Variants in MIOS observed in about 807,000 individuals in gnomAD.
The protein encoded by MIOS is meiosis regulator for oocyte development.
A neutral mutation model predicts 96.9 loss-of-function variants in MIOS; 52 were observed. The observed-to-expected ratio is 0.54, with a 90% CI of 0.43 to 0.68. The LOEUF (loss-of-function observed/expected upper bound fraction) is 0.68. MIOS is among the 30% of genes least tolerant of loss of function. The pLI is 0.00. For missense variants in MIOS, 1,005 were observed against 1,052.8 expected, an observed-to-expected ratio of 0.95 and a Z score of 0.63; for synonymous variants, 397 against 359.5, an observed-to-expected ratio of 1.10 and a Z score of -1.18.
At chr7:7,593,096 T>A (rs192504287) in intron 9 of MIOS, among the ~76,000 whole-genome samples, 9 of 152,348 alleles carry the variant, frequency 5.9e-5, no homozygotes, top group African/African-American at 1.9e-4. Context: ...AAATTCTTAC[T>A]TAGTTTATCC....
chr7:7,576,637 T>A (rs1783543136), intron 5 of MIOS, among the ~76,000 whole-genome samples: 3 of 152,144 alleles, frequency 2.0e-5, no homozygotes, highest in Admixed American at 6.6e-5. Flanking sequence ...CAAGAAAGAC[T>A]TAGAAATCAT....
At chr7:7,589,295 T>G in intron 8 of MIOS, 110 bp from the exon 9 acceptor site, 1 of 928,362 alleles carries the variant, frequency 1.1e-6, no homozygotes, top group Non-Finnish European at 1.6e-6. Flanking sequence ...GTAAAGTCTT[T>G]TGTTTTAAAA....
intron 5 of MIOS, among the ~76,000 whole-genome samples, chr7:7,574,825 C>G (rs1434278035): frequency 2.0e-5 from 3 of 150,894 alleles, no homozygotes; most frequent in African/African-American, 7.3e-5. Flanking sequence ...TGTTCCTATT[C>G]TTTTACTGGA....
chr7:7,601,729 A>G (rs185056666), intron 11 of MIOS, among the ~76,000 whole-genome samples: 25 of 152,368 alleles, frequency 1.6e-4, no homozygotes, highest in African/African-American at 5.8e-4. Flanking sequence ...TTATGAGGCC[A>G]GCATCATCCT....
At position 7,608,579 on chromosome 7, in the gene MIOS, G is replaced by A. The variant is rs1312394556; in HGVS notation, c.*1487G>A. ...TAATTGCAATTTTTTTTTAAAGATT[G>A]CTATTAAGGGTACTTTTTCCAGCCT... is the stretch of plus-strand genomic sequence containing the variant. On this transcript the variant is annotated 3_prime_UTR_variant, in exon 13 of 13. Transcript: ENST00000340080. 6.6e-6 allele frequency: 1 copy of A among 151,752 alleles called. No homozygotes were observed. The highest frequency in any genetic ancestry group is 6.6e-5 in the Admixed American group (1 of 15,212). 9.4% of individuals were successfully genotyped at this position (151,752 alleles called of 1,614,324 possible).
intron 5 of MIOS, among the ~76,000 whole-genome samples, chr7:7,578,745 C>G (rs1189756050): frequency 6.6e-6 from 1 of 151,718 alleles, no homozygotes; most frequent in African/African-American, 2.4e-5. Context: ...GTCTCTCTCT[C>G]TGTCACCCAG....
Position 7,573,341 on chromosome 7 carries a change from A to G in MIOS, c.866A>G (p.Asp289Gly). 1.2e-6 allele frequency: 2 copies of G among 1,614,110 alleles called. No individual in the cohort carries two copies. The highest frequency in any genetic ancestry group is 1.7e-5 in the Admixed American group (1 of 60,026). The change falls in exon 4 of 13, where the codon GAT becomes GGT. Residue 289 changes from aspartate to glycine, a missense_variant. Physicochemically the swap from Asp to Gly is moderately conservative, Grantham distance 94. Transcript: ENST00000340080. The surrounding 1 kb of genome is among the most constrained non-coding windows in gnomAD (Gnocchi z 5.0). The stretch of plus-strand genomic sequence containing the variant: ...GGTCTACTTGCCACTTTAACAAGGG[A>G]TAGTAATATTATTAGATTGTATGAT... The part of the protein sequence containing the change: ...RTGLLATLTR[D>G]SNIIRLYDMQ...
At chr7:7,606,626 A>G (rs1784538198) in intron 12 of MIOS, among the ~76,000 whole-genome samples, 1 of 152,218 alleles carries the variant, frequency 6.6e-6, no homozygotes, top group African/African-American at 2.4e-5. Flanking sequence ...TATAAATGAA[A>G]TATCTTGCCA....
In MIOS at chr7:7,573,987, G is replaced by A. The variant is rs974200854; in HGVS notation, c.1295-111G>A. 4.2e-6 allele frequency: 4 copies of A among 957,780 alleles called. No individual in the cohort carries two copies. The highest frequency in any genetic ancestry group is 5.7e-5 in the Admixed American group (2 of 34,874). 59.3% of individuals were successfully genotyped at this position (957,780 alleles called of 1,614,324 possible). On this transcript the variant is annotated intron_variant, in intron 4 of 12. Transcript: ENST00000340080. The surrounding 1 kb of genome is among the most constrained non-coding windows in gnomAD (Gnocchi z 5.0). Reference sequence around the variant, plus strand: ...AAAAGTGTATCTCTGCAATAGAGTCGAACCACCTTATTTACACTGATACTT... The same window carrying A: ...AAAAGTGTATCTCTGCAATAGAGTCAAACCACCTTATTTACACTGATACTT...
chr7:7,586,988 C>CTTTTTTTTT (rs71988879), intron 7 of MIOS, among the ~76,000 whole-genome samples: 2 of 123,052 alleles, frequency 1.6e-5, no homozygotes, highest in African/African-American at 3.0e-5. Flanking sequence ...TTTTCTTTCC[C>CTTTTTTTTT]TTTTTTTTTT....
At chr7:7,595,902 CAGA>C (rs1321270747) in intron 10 of MIOS, among the ~76,000 whole-genome samples, 2 of 152,098 alleles carry the variant, frequency 1.3e-5, no homozygotes, top group African/African-American at 4.8e-5. Flanking sequence ...AAATTTTGTT[CAGA>C]AGATTATATC....
chr7:7,607,091 A>C lies in MIOS; in HGVS notation c.2627A>C (p.Ter876SerextTer15), dbSNP rs773191887. The C allele has an allele frequency of 6.2e-7, 1 of 1,608,414 alleles. No individual in the cohort carries two copies. Among genetic ancestry groups the C allele is most frequent in the Non-Finnish European group, 8.5e-7 (1 of 1,177,500 alleles). ...GTACCTGCAGAGACTGTCCAGCCAT[A>C]AAATGTTACCACCTTAAGAGAACCC... ...NLVPAETVQP[*>S] The change falls in exon 13 of 13, where the codon TAA becomes TCA. Residue 876 changes from the stop codon to serine (S), a stop_lost. Transcript: ENST00000340080.
intron 3 of MIOS, among the ~76,000 whole-genome samples, chr7:7,570,739 T>C (rs942501685): frequency 2.0e-5 from 3 of 152,114 alleles, no homozygotes; most frequent in Non-Finnish European, 4.4e-5. Flanking sequence ...TTTGCACTCC[T>C]GTGAGAAACT....
intron 9 of MIOS, among the ~76,000 whole-genome samples, chr7:7,590,599 T>G (rs1198184888): frequency 6.6e-6 from 1 of 152,238 alleles, no homozygotes; most frequent in African/African-American, 2.4e-5. Context: ...TCTTGCTGTT[T>G]GTTTTCCGTT....
chr7:7,595,151 A>G lies in MIOS; in HGVS notation c.2196+19A>G, dbSNP rs376428380. The G allele has an allele frequency of 1.5e-4, 236 of 1,595,438 alleles. No homozygotes were observed. In the East Asian group the frequency reaches 4.0e-3, roughly 27 times the overall value. ...AGCACAAGTAAGTACATTGTTTTGG[A>G]GAAAATCAAATTGTAACATGTTGAT... On this transcript the variant is annotated intron_variant, in intron 10 of 12. Transcript: ENST00000340080.
intron 7 of MIOS, among the ~76,000 whole-genome samples, chr7:7,586,140 C>T (rs912294194): frequency 4.6e-5 from 7 of 150,946 alleles, no homozygotes; most frequent in Non-Finnish European, 8.8e-5. Context: ...GCTGTTTACA[C>T]TGTGCACACA....
At chr7:7,600,342 C>G (rs562617625) in intron 11 of MIOS, among the ~76,000 whole-genome samples, 151 of 152,066 alleles carry the variant, frequency 9.9e-4, no homozygotes, top group African/African-American at 3.5e-3. Context: ...CGTGCAGAGA[C>G]ACACATAGGC....
At chr7:7,585,591 T>G in intron 6 of MIOS, 45 bp from the exon 7 acceptor site, 1 of 1,495,884 alleles carries the variant, frequency 6.7e-7, no homozygotes, top group Non-Finnish European at 9.0e-7. Context: ...GAAGAGATAT[T>G]AAGCTTTTGA....
At chr7:7,578,821 G>A (rs1394327725) in intron 5 of MIOS, among the ~76,000 whole-genome samples, 2 of 151,536 alleles carry the variant, frequency 1.3e-5, no homozygotes, top group African/African-American at 2.4e-5. Flanking sequence ...AGTGATTTTC[G>A]TGCCTCAGCC....
Sources: allele counts gnomAD v4.1 joint callset (sites outside exome capture counted in the v4.1 genomes callset), GRCh38; gene constraint gnomAD v4.1.1; non-coding constraint Gnocchi (gnomAD v3.1); transcripts MANE v1.5; gene names NCBI Gene and HGNC (gene_info 2026-07-23, HGNC 2026-07-21).